PLIN1: variants seen among roughly 807,000 people sequenced by gnomAD.
The protein encoded by PLIN1 is perilipin 1, also known as perilipin-1.
PLIN1 carries 37 observed loss-of-function variants against 45.8 expected under a neutral mutation model. The observed-to-expected ratio is 0.81, with a 90% confidence interval of 0.62 to 1.06. The LOEUF (loss-of-function observed/expected upper bound fraction) is 1.06, where lower values mean the gene tolerates loss of function less well. PLIN1 is among the 50% of genes least tolerant of loss of function. PLIN1 has a pLI of 0.00. For missense variants in PLIN1, 776 were observed against 716.5 expected, an observed-to-expected ratio of 1.08 and a Z score of -0.95; for synonymous variants, 340 against 309.2, an observed-to-expected ratio of 1.10 and a Z score of -1.05.
intron 2 of PLIN1, chr15:89,676,843 C>G (rs1370200393): frequency 6.4e-6 from 1 of 156,986 alleles, no homozygotes; most frequent in Non-Finnish European, 1.4e-5. Context: ...GGATATTGCA[C>G]AGGTTCATAA....
At chr15:89,672,629 C>G (rs1964456766) in intron 3 of PLIN1, among the ~76,000 whole-genome samples, 2 of 152,192 alleles carry the variant, frequency 1.3e-5, no homozygotes, top group Non-Finnish European at 2.9e-5. Context: ...CCTTGGAGAC[C>G]ACATTTTCAG....
rs1964361103 is a variant in PLIN1, at chr15:89,667,174, G to A, written c.971C>T (p.Ala324Val). ...TEENKFSEVA[A>V]LPGPRGLLGG... ...CAGGAGGCCTCGAGGGCCTGGCAGG[G>A]CTGCTACCTGGGGGCCAAAGCAGGG... is the stretch of plus-strand genomic sequence containing the variant. Residue 324 changes from alanine (A) to valine (V), a missense_variant, in exon 8 of 9, where the codon GCC becomes GTC. Coordinates refer to ENST00000300055, the MANE Select transcript of PLIN1 (RefSeq NM_002666.5). 2.5e-6 allele frequency: 4 copies of A among 1,613,110 alleles called. No individual in the cohort carries two copies. The highest frequency in any genetic ancestry group is 3.4e-6 in the Non-Finnish European group (4 of 1,179,992).
Position 89,667,516 on chromosome 15 carries a change from G to A in PLIN1, c.963+86C>T, listed in dbSNP as rs1032420628. On this transcript the variant is annotated intron_variant, in intron 7 of 8. Coordinates refer to ENST00000300055, the MANE Select transcript of PLIN1 (RefSeq NM_002666.5). ...CACATGCCGTGCCCCTGCATCTGGG[G>A]CAGAGGCCCTGAGTTCACCCTATGC... is the stretch of plus-strand genomic sequence containing the variant. The A allele has an allele frequency of 1.0e-5, 16 of 1,605,514 alleles. No homozygotes were observed. The African/African-American group carries it at 1.6e-4, about 16-fold the overall frequency.
intron 4 of PLIN1, among the ~76,000 whole-genome samples, chr15:89,670,891 G>A (rs1964429265): frequency 6.6e-6 from 1 of 152,152 alleles, no homozygotes; most frequent in African/African-American, 2.4e-5. Context: ...TAAAGCATAG[G>A]TGATGGCCCC....
rs779304578 is a variant in PLIN1 at position 89,665,505 on chromosome 15, G to T, written c.*78C>A. 7.1e-7 allele frequency: 1 copy of T among 1,415,292 alleles called. No homozygotes were observed. The highest frequency in any genetic ancestry group is 9.5e-7 in the Non-Finnish European group (1 of 1,056,670). 87.7% of individuals were successfully genotyped at this position (1,415,292 alleles called of 1,614,324 possible). Reference sequence around the variant, plus strand: ...AGGGGACCACTTTGAAAGTGGCAACGCTCGCCTGGGCAGTGCGGGTTCTGT... The same window carrying T: ...AGGGGACCACTTTGAAAGTGGCAACTCTCGCCTGGGCAGTGCGGGTTCTGT... On this transcript the variant is annotated 3_prime_UTR_variant, in exon 9 of 9. Transcript: ENST00000300055.
intron 3 of PLIN1, among the ~76,000 whole-genome samples, chr15:89,672,277 C>A (rs574532104): frequency 6.6e-6 from 1 of 152,242 alleles, no homozygotes; most frequent in Admixed American, 6.5e-5. Flanking sequence ...CTGGATTGGC[C>A]GGGACATCGG....
intron 5 of PLIN1, 42 bp from the exon 6 acceptor site, chr15:89,669,714 A>G: frequency 6.3e-7 from 1 of 1,590,862 alleles, no homozygotes; most frequent in Middle Eastern, 1.7e-4. Flanking sequence ...AACAGGTCAG[A>G]GAGGGGCCGG....
intron 5 of PLIN1, among the ~76,000 whole-genome samples, 153 bp downstream of exon 5, chr15:89,669,827 G>A (rs537068705): frequency 6.6e-6 from 1 of 151,340 alleles, no homozygotes; most frequent in Admixed American, 6.6e-5. Flanking sequence ...CAGATGGGGT[G>A]GGGGTGGGGG....
intron 4 of PLIN1, 106 bp from the exon 5 acceptor site, chr15:89,670,350 C>G: frequency 8.4e-7 from 1 of 1,195,124 alleles, no homozygotes; most frequent in Non-Finnish European, 1.2e-6. Context: ...AAGGCATCAC[C>G]TAAAGGCCCA....
chr15:89,665,518 G>A lies in PLIN1; in HGVS notation c.*65C>T. 1.3e-6 allele frequency: 2 copies of A among 1,493,794 alleles called. No homozygotes were observed. The highest frequency in any genetic ancestry group is 2.0e-5 in the Admixed American group (1 of 49,566). The allele number at this position is 1,493,794 out of a possible 1,614,324, so 92.5% of individuals were successfully genotyped here. On this transcript the variant is annotated 3_prime_UTR_variant, in exon 9 of 9. Transcript: ENST00000300055. ...GAAAGTGGCAACGCTCGCCTGGGCA[G>A]TGCGGGTTCTGTTTATTTGTTAGAG...
chr15:89,671,064 A>G (rs1964431778), intron 4 of PLIN1, among the ~76,000 whole-genome samples: 1 of 152,190 alleles, frequency 6.6e-6, no homozygotes, highest in Non-Finnish European at 1.5e-5. Context: ...GTGACCTTCA[A>G]TCTCATGGTC....
intron 4 of PLIN1, among the ~76,000 whole-genome samples, chr15:89,670,616 T>C (rs904226902): frequency 1.4e-4 from 22 of 152,242 alleles, no homozygotes; most frequent in African/African-American, 5.3e-4. Flanking sequence ...TTTATAGGTG[T>C]GCTTGATCTT....
At chr15:89,677,173 C>T (rs573372316) in intron 2 of PLIN1, 2 of 533,944 alleles carry the variant, frequency 3.7e-6, no homozygotes, top group South Asian at 4.2e-5. Flanking sequence ...TAGTTTCCTT[C>T]CTCTCCACTC....
At chr15:89,675,395 C>A (rs1332886120) in intron 2 of PLIN1, among the ~76,000 whole-genome samples, 11 of 140,568 alleles carry the variant, frequency 7.8e-5, no homozygotes, top group Non-Finnish European at 1.2e-4. Flanking sequence ...TCATTTGAAG[C>A]CAGGAGTTTG....
intron 4 of PLIN1, 115 bp from the exon 5 acceptor site, chr15:89,670,359 C>G: frequency 9.4e-7 from 1 of 1,062,498 alleles, no homozygotes; most frequent in South Asian, 1.6e-5. Context: ...CCTAAAGGCC[C>G]AGGGAACTGG....
Position 89,677,441 on chromosome 15 carries a change from T to C in PLIN1, c.45+4A>G. 6.2e-7 allele frequency: 1 copy of C among 1,613,022 alleles called. No homozygotes were observed. Among genetic ancestry groups the C allele is most frequent in the Non-Finnish European group, 8.5e-7 (1 of 1,178,946 alleles). On this transcript the variant is annotated splice_donor_region_variant and intron_variant, in intron 2 of 8. Coordinates refer to ENST00000300055, the MANE Select transcript of PLIN1 (RefSeq NM_002666.5). Reference sequence around the variant, plus strand: ...CCTGTCACAGATGAGCCCAAGTTACTTACAGGGAGGTCTCCATCCAGCAAG... The same window carrying C: ...CCTGTCACAGATGAGCCCAAGTTACCTACAGGGAGGTCTCCATCCAGCAAG...
chr15:89,671,459 T>C (rs1189621354), intron 4 of PLIN1, 23 bp downstream of exon 4: 1 of 1,515,850 alleles, frequency 6.6e-7, no homozygotes, highest in East Asian at 2.4e-5. Flanking sequence ...GCAGGGAGGC[T>C]TCGAGAGGTG....
chr15:89,667,088 C>T lies in PLIN1; in HGVS notation c.1057G>A (p.Ala353Thr). The T allele has an allele frequency of 6.2e-7, 1 of 1,614,106 alleles. No individual in the cohort carries two copies. Among genetic ancestry groups the T allele is most frequent in the South Asian group, 1.1e-5 (1 of 91,092 alleles). Residue 353 changes from alanine (A) to threonine (T), a missense_variant, in exon 8 of 9, where the codon GCA (alanine) becomes ACA (threonine). By Grantham distance (58) the Ala-to-Thr change is moderately conservative (BLOSUM62 0). Transcript: ENST00000300055. ...GCCATGCCCAGCACAGCTGCAGGTG[C>T]CCATGTCACAGCCGAGATGGTGGTC... ...LQTTISAVTWAPAAVLGMAGR... is the reference protein window; with the variant it reads ...LQTTISAVTWTPAAVLGMAGR...
intron 8 of PLIN1, 87 bp downstream of exon 8, chr15:89,666,849 G>T: frequency 6.8e-7 from 1 of 1,475,870 alleles, no homozygotes; most frequent in Non-Finnish European, 9.4e-7. Context: ...AAAGGAGGGG[G>T]ACTGCAGCCC....
Sources: gnomAD v4.1 joint callset for allele counts (sites outside exome capture counted in the v4.1 genomes callset) on GRCh38, gnomAD v4.1.1 for gene constraint, MANE v1.5 for transcripts, NCBI Gene and HGNC (gene_info 2026-07-23, HGNC 2026-07-21) for gene names.